The following GALNT13 variants were observed in gnomAD, a reference collection of about 807,000 sequenced individuals.
GALNT13 encodes UDP-GalNAc:polypeptide N-acetylgalactosaminyltransferase 13.
In GALNT13, 28 loss-of-function variants were observed where a neutral mutation model predicts 64.2. The ratio of observed to expected loss-of-function variants is 0.44; its 90% CI spans 0.32 to 0.60. The LOEUF (loss-of-function observed/expected upper bound fraction) is 0.60, where lower values mean the gene tolerates loss of function less well. GALNT13 is among the 20% of genes least tolerant of loss of function. GALNT13 has a pLI of 0.05. For synonymous variants in GALNT13, 214 were observed against 224.6 expected, an observed-to-expected ratio of 0.95 and a Z score of 0.42; for missense variants, 577 against 669.8, an observed-to-expected ratio of 0.86 and a Z score of 1.53.
chr2:153,268,852 C>A, the GALNT13 span, among the ~76,000 whole-genome samples: 1 of 152,232 alleles, frequency 6.6e-6, no homozygotes, highest in African/African-American at 2.4e-5. Flanking sequence ...AACCTGTATC[C>A]TGGCCCCTTT....
At chr2:154,061,256 G>A (rs1000982556) in intron 3 of GALNT13, among the ~76,000 whole-genome samples, 3 of 152,004 alleles carry the variant, frequency 2.0e-5, no homozygotes, top group African/African-American at 7.2e-5. Context: ...CAGTTGAGGC[G>A]TTGGGCTGAG....
rs142326868 is a variant in GALNT13 at position 154,278,289 on chromosome 2, C to A, written c.975+19151C>A. Among the ~76,000 whole-genome samples, 17 of 152,206 alleles carry A rather than the reference C, an allele frequency of 1.1e-4. No individual in the cohort carries two copies. In the East Asian group the frequency reaches 3.3e-3, roughly 29 times the overall value. On this transcript the variant is annotated intron_variant, in intron 8 of 12. Coordinates refer to ENST00000392825, the MANE Select transcript of GALNT13 (RefSeq NM_052917.4). ...ATGGTCTATTTGGATAGTAATTAGA[C>A]CTGATGGAAGACTACTGCTCCTTCA...
intron 4 of GALNT13, among the ~76,000 whole-genome samples, chr2:154,206,570 G>C (rs1369072741): frequency 6.6e-6 from 1 of 151,910 alleles, no homozygotes; most frequent in Non-Finnish European, 1.5e-5. Flanking sequence ...CAAAGCAGGT[G>C]GATCAGCTGA....
At chr2:153,142,833 A>C in the GALNT13 span, among the ~76,000 whole-genome samples, 1 of 151,886 alleles carries the variant, frequency 6.6e-6, no homozygotes, top group Non-Finnish European at 1.5e-5. Context: ...AAAGCAGAAA[A>C]CGGTAGGTGG....
intron 3 of GALNT13, among the ~76,000 whole-genome samples, chr2:153,989,989 A>G (rs1695056048): frequency 6.6e-6 from 1 of 152,142 alleles, no homozygotes; most frequent in Non-Finnish European, 1.5e-5. Context: ...ATGTTGGTTG[A>G]AATAGAACAA....
At chr2:154,443,111 G>A (rs896641259) in intron 12 of GALNT13, among the ~76,000 whole-genome samples, 1 of 152,038 alleles carries the variant, frequency 6.6e-6, no homozygotes, top group Non-Finnish European at 1.5e-5. Flanking sequence ...ATTCCCCTGT[G>A]TAGCATTCCT....
chr2:154,214,489 C>T (rs549526855), intron 4 of GALNT13, among the ~76,000 whole-genome samples: 23 of 152,178 alleles, frequency 1.5e-4, no homozygotes, highest in African/African-American at 3.6e-4. Flanking sequence ...GGCTCTGGGT[C>T]GCCATCCAAA....
the GALNT13 span, among the ~76,000 whole-genome samples, chr2:153,821,035 GA>G: frequency 2.0e-5 from 3 of 152,004 alleles, no homozygotes; most frequent in African/African-American, 7.2e-5. Flanking sequence ...CATGCAAACA[GA>G]AGACTTAACT....
intron 4 of GALNT13, among the ~76,000 whole-genome samples, chr2:154,164,401 C>T (rs527390424): frequency 2.6e-5 from 4 of 151,968 alleles, no homozygotes; most frequent in African/African-American, 9.7e-5. Context: ...GGAGTTATAG[C>T]TTAAATTCTT....
chr2:153,516,536 G>A, the GALNT13 span, among the ~76,000 whole-genome samples: 1 of 152,202 alleles, frequency 6.6e-6, no homozygotes, highest in Non-Finnish European at 1.5e-5. Context: ...TTAGGTGGTA[G>A]GAAGAGAGGG....
chr2:153,546,430 G>T, the GALNT13 span, among the ~76,000 whole-genome samples: 1 of 152,110 alleles, frequency 6.6e-6, no homozygotes, highest in South Asian at 2.1e-4. Context: ...GATCTTGTAG[G>T]TGTTTTCCTA....
the GALNT13 span, chr2:153,477,296 C>G: frequency 6.6e-6 from 1 of 152,650 alleles, no homozygotes; most frequent in Non-Finnish European, 1.5e-5. Context: ...CCCGTTCCCC[C>G]CTGCTGGGGA....
intron 7 of GALNT13, among the ~76,000 whole-genome samples, chr2:154,257,212 C>T (rs1690427118): frequency 6.6e-6 from 1 of 151,730 alleles, no homozygotes; most frequent in Non-Finnish European, 1.5e-5. Context: ...TATAAATAGC[C>T]ACTTATACAT....
Position 154,361,396 on chromosome 2 carries a change from C to T in GALNT13, c.1157-34595C>T, listed in dbSNP as rs112596586. Among the ~76,000 whole-genome samples, 5 of 152,124 alleles carry T rather than the reference C, an allele frequency of 3.3e-5. 1 individual carries two copies. The highest frequency in any genetic ancestry group is 2.1e-4 in the South Asian group (1 of 4,818). On this transcript the variant is annotated intron_variant, in intron 9 of 12. Transcript: ENST00000392825. Reference sequence around the variant, plus strand: ...ATAACATTTCTAAAATGTAACTAGACGGTCTATAATTCTTTCAGCCAAAAC... The same window carrying T: ...ATAACATTTCTAAAATGTAACTAGATGGTCTATAATTCTTTCAGCCAAAAC...
the GALNT13 span, among the ~76,000 whole-genome samples, chr2:153,248,904 C>T: frequency 6.7e-6 from 1 of 148,500 alleles, no homozygotes; most frequent in African/African-American, 2.5e-5. Context: ...CCATTTATTA[C>T]AAACCCAGAA....
intron 9 of GALNT13, among the ~76,000 whole-genome samples, chr2:154,348,892 A>G (rs541573940): frequency 1.3e-5 from 2 of 152,324 alleles, no homozygotes; most frequent in South Asian, 2.1e-4. Flanking sequence ...TTAAAGGGTC[A>G]TGGAAATGAA....
the GALNT13 span, among the ~76,000 whole-genome samples, chr2:153,420,072 A>G: frequency 6.6e-6 from 1 of 152,194 alleles, no homozygotes; most frequent in African/African-American, 2.4e-5. Context: ...TAAGAAATAT[A>G]TTTTGAAGCC....
At chr2:153,277,927 CTT>C in the GALNT13 span, among the ~76,000 whole-genome samples, 3 of 80,112 alleles carry the variant, frequency 3.7e-5, no homozygotes, top group African/African-American at 1.4e-4. Context: ...TCTTTTCTTT[CTT>C]TTTTTTTTTT....
the GALNT13 span, among the ~76,000 whole-genome samples, chr2:153,378,292 ATAGATAGATAGATAGATAAT>A: frequency 3.3e-4 from 43 of 129,998 alleles, no homozygotes; most frequent in African/African-American, 6.7e-4. Flanking sequence ...AGATAGATAG[ATAGATAGATAGATAGATAAT>A]TTTTTTTTTT....
Sources: gnomAD v4.1 joint callset for allele counts (sites outside exome capture counted in the v4.1 genomes callset) on GRCh38, gnomAD v4.1.1 for gene constraint, MANE v1.5 for transcripts, NCBI Gene and HGNC (gene_info 2026-07-23, HGNC 2026-07-21) for gene names.